The following ETF1 variants were observed in gnomAD, a reference collection of about 807,000 sequenced individuals.
The protein encoded by ETF1 is eukaryotic translation termination factor 1.
A neutral mutation model predicts 55.1 loss-of-function variants in ETF1; 4 were observed. That is an observed-to-expected ratio of 0.07 (90% CI 0.04 to 0.17). The LOEUF (loss-of-function observed/expected upper bound fraction) is 0.17. Among genes scored for constraint, ETF1 ranks in the 10% least tolerant of loss-of-function variants. ETF1 has a pLI of 1.00. For synonymous variants in ETF1, 157 were observed against 182.3 expected, an observed-to-expected ratio of 0.86 and a Z score of 1.12; for missense variants, 142 against 523.6, an observed-to-expected ratio of 0.27 and a Z score of 7.11.
chr5:138,543,034 C>G, intron 1 of ETF1, 63 bp downstream of exon 1: 1 of 1,077,184 alleles, frequency 9.3e-7, no homozygotes, highest in Non-Finnish European at 1.4e-6. Context: ...CCCAGAGGCC[C>G]TCTCCTCCCG....
At position 138,507,985 on chromosome 5, in the gene ETF1, A is replaced by G. The variant is rs1028781946; in HGVS notation, c.*320T>C. On this transcript the variant is annotated 3_prime_UTR_variant, in exon 11 of 11. Transcript: ENST00000360541. ...TGCTTCTATGTATGAAGGTTAAAAA[A>G]ATCATTTTTTTTCATAAAATACAAG... is the stretch of plus-strand genomic sequence containing the variant. The G allele has an allele frequency of 1.2e-5, 3 of 254,234 alleles. No individual in the cohort carries two copies. Among genetic ancestry groups the G allele is most frequent in the Non-Finnish European group, 2.2e-5 (3 of 133,914 alleles). The allele number at this position is 254,234 out of a possible 1,614,324, so 15.7% of individuals were successfully genotyped here. A position where few individuals can be genotyped will look rare whatever the true frequency, so the allele number is the denominator to read the frequency against.
intron 8 of ETF1, 45 bp downstream of exon 8, chr5:138,511,000 C>T (rs528843083): frequency 5.0e-6 from 8 of 1,595,952 alleles, no homozygotes; most frequent in African/African-American, 2.7e-5. Context: ...CCCCAGGCTT[C>T]CTGGCTCAGT....
chr5:138,537,228 T>C (rs1765974142), intron 2 of ETF1, among the ~76,000 whole-genome samples: 1 of 152,194 alleles, frequency 6.6e-6, no homozygotes, highest in African/African-American at 2.4e-5. Context: ...CTTTTCTCTC[T>C]CATCTATTTC....
chr5:138,509,987 G>A (rs1189060208), intron 9 of ETF1, among the ~76,000 whole-genome samples: 5 of 151,354 alleles, frequency 3.3e-5, no homozygotes, highest in Admixed American at 3.3e-4. Flanking sequence ...CTGAGCCCAG[G>A]GGTTCGAGGT....
chr5:138,518,614 C>T, intron 3 of ETF1, 78 bp downstream of exon 3: 1 of 1,237,898 alleles, frequency 8.1e-7, no homozygotes, highest in South Asian at 1.5e-5. Context: ...CATTAGTGAA[C>T]AAAGCACCAT....
intron 2 of ETF1, among the ~76,000 whole-genome samples, chr5:138,525,424 G>A (rs996471042): frequency 6.6e-6 from 1 of 151,728 alleles, no homozygotes; most frequent in African/African-American, 2.4e-5. Context: ...CCAAAGTGAT[G>A]GGATTACAGG....
At chr5:138,513,740 C>A (rs754342970) in intron 4 of ETF1, 34 bp from the exon 5 acceptor site, 1 of 1,576,196 alleles carries the variant, frequency 6.3e-7, no homozygotes, top group East Asian at 2.3e-5. Context: ...CACGGTGAAT[C>A]CCAAAGCTTT....
intron 2 of ETF1, among the ~76,000 whole-genome samples, chr5:138,521,857 A>C (rs1580695890): frequency 6.6e-6 from 1 of 152,146 alleles, no homozygotes; most frequent in East Asian, 1.9e-4. Context: ...TAGAGCATGC[A>C]CTTCCCCAAA....
At chr5:138,517,001 C>T (rs1194906710) in intron 4 of ETF1, among the ~76,000 whole-genome samples, 2 of 152,082 alleles carry the variant, frequency 1.3e-5, no homozygotes, top group Non-Finnish European at 2.9e-5. Flanking sequence ...CTGATGAATG[C>T]TACCACATGG....
At chr5:138,532,596 C>G (rs971425902) in intron 2 of ETF1, among the ~76,000 whole-genome samples, 1 of 152,292 alleles carries the variant, frequency 6.6e-6, no homozygotes, top group South Asian at 2.1e-4. Flanking sequence ...GAGGTAATAT[C>G]AGATGGGGTT....
rs1764590072 is a variant in ETF1, at chr5:138,507,196, T to C, written c.*1109A>G. 6.8e-6 allele frequency: 1 copy of C among 147,436 alleles called. No individual in the cohort carries two copies. Among genetic ancestry groups the C allele is most frequent in the African/African-American group, 2.5e-5 (1 of 40,208 alleles). The allele number at this position is 147,436 out of a possible 1,614,324, so 9.1% of individuals were successfully genotyped here. Reference sequence around the variant, plus strand: ...TCCCTTCCCACCCGCCCCTAATTTCTCATGTGAGAAGTGCTTGTAAGTCCC... The same window carrying C: ...TCCCTTCCCACCCGCCCCTAATTTCCCATGTGAGAAGTGCTTGTAAGTCCC... On this transcript the variant is annotated 3_prime_UTR_variant, in exon 11 of 11. Transcript: ENST00000360541.
intron 5 of ETF1, 75 bp downstream of exon 5, chr5:138,513,493 C>T (rs933775852): frequency 1.6e-5 from 21 of 1,305,410 alleles, no homozygotes; most frequent in Admixed American, 8.8e-5. Context: ...CGTGAGCCAC[C>T]GCACCCGGCC....
At chr5:138,524,823 G>A (rs549834317) in intron 2 of ETF1, among the ~76,000 whole-genome samples, 16 of 151,958 alleles carry the variant, frequency 1.1e-4, no homozygotes, top group East Asian at 7.8e-4. Context: ...TGATCCGCCC[G>A]CCTTGGCCTC....
At chr5:138,516,023 C>T (rs375838824) in intron 4 of ETF1, among the ~76,000 whole-genome samples, 33 of 152,232 alleles carry the variant, frequency 2.2e-4, no homozygotes, top group East Asian at 1.5e-3. Flanking sequence ...AACTAAGGAG[C>T]CAGCTGTGAA....
At chr5:138,532,873 A>C (rs1377086978) in intron 2 of ETF1, among the ~76,000 whole-genome samples, 1 of 152,148 alleles carries the variant, frequency 6.6e-6, no homozygotes, top group East Asian at 1.9e-4. Flanking sequence ...CCTGATACTC[A>C]ACTTCTCTTT....
chr5:138,517,646 T>C lies in ETF1; in HGVS notation c.317A>G (p.Lys106Arg). The C allele has an allele frequency of 6.3e-7, 1 of 1,595,478 alleles. No individual in the cohort carries two copies. The highest frequency in any genetic ancestry group is 8.6e-7 in the Non-Finnish European group (1 of 1,167,392). The change falls in exon 4 of 11, where the codon AAG becomes AGG. Residue 106 changes from lysine to arginine, a missense_variant. By Grantham distance (26) the Lys-to-Arg change is conservative. This residue lies in a region of ETF1 where 14 missense variants were observed against 22.3 expected (regional missense o/e 0.63). Coordinates refer to ENST00000360541, the MANE Select transcript of ETF1 (RefSeq NM_004730.4). Reference sequence around the variant, plus strand: ...AAAGTCAATGTTGACTTTCTTTTCCTTTCCTTCTTCTGTTACAATTGTTCC... The same window carrying C: ...AAAGTCAATGTTGACTTTCTTTTCCCTTCCTTCTTCTGTTACAATTGTTCC... ...YCGTIVTEEGKEKKVNIDFEP... is the reference protein window; with the variant it reads ...YCGTIVTEEGREKKVNIDFEP...
At chr5:138,542,437 G>C (rs1357753638) in intron 2 of ETF1, among the ~76,000 whole-genome samples, 1 of 152,192 alleles carries the variant, frequency 6.6e-6, no homozygotes. Flanking sequence ...GAAATGAAGG[G>C]AGAAGAGGAA....
intron 2 of ETF1, chr5:138,541,758 T>C: frequency 7.8e-6 from 1 of 127,482 alleles, no homozygotes; most frequent in Non-Finnish European, 1.4e-5. Flanking sequence ...TTCCAAACAC[T>C]TTTTTTTGGG....
chr5:138,535,874 CAAAAAAAAAA>C (rs35261297), intron 2 of ETF1, among the ~76,000 whole-genome samples: 17 of 57,836 alleles, frequency 2.9e-4, no homozygotes, highest in South Asian at 9.9e-4. Context: ...GACTCCGCCT[CAAAAAAAAAA>C]AAAAAAAAAA....
Sources: allele counts gnomAD v4.1 joint callset (sites outside exome capture counted in the v4.1 genomes callset), GRCh38; gene constraint gnomAD v4.1.1; regional missense constraint gnomAD v4.1.1; transcripts MANE v1.5; gene names NCBI Gene and HGNC (gene_info 2026-07-23, HGNC 2026-07-21).